VPS13B: variants seen among roughly 807,000 people sequenced by gnomAD.
The protein encoded by VPS13B is intermembrane lipid transfer protein VPS13B.
In VPS13B, 285 loss-of-function variants were observed where a neutral mutation model predicts 426.4. The observed-to-expected ratio is 0.67, with a 90% CI of 0.61 to 0.74. VPS13B has a LOEUF of 0.74. Among genes scored for constraint, VPS13B ranks in the 30% least tolerant of loss-of-function variants. The pLI is 0.00. For synonymous variants in VPS13B, 1,676 were observed against 1,676.4 expected (o/e 1.00, Z 0.01); for missense variants, 4,537 against 4,782.6 (o/e 0.95, Z 1.51).
intron 29 of VPS13B, among the ~76,000 whole-genome samples, chr8:99,513,926 C>A (rs1375677937): frequency 6.6e-6 from 1 of 152,154 alleles, no homozygotes; most frequent in Non-Finnish European, 1.5e-5. Context: ...GGCATTTGAT[C>A]TGTATTCAAA....
intron 12 of VPS13B, 21 bp downstream of exon 12, chr8:99,136,773 T>C: frequency 6.2e-7 from 1 of 1,610,414 alleles, no homozygotes; most frequent in Non-Finnish European, 8.5e-7. Context: ...CTTTCCTTTA[T>C]GTGTGCCATT....
intron 16 of VPS13B, among the ~76,000 whole-genome samples, chr8:99,190,805 T>C (rs1813521514): frequency 6.6e-6 from 1 of 152,164 alleles, no homozygotes. Flanking sequence ...TTCTTAATCT[T>C]ATTAGAAGAT....
chr8:99,635,131 T>C (rs937244114), intron 33 of VPS13B, among the ~76,000 whole-genome samples: 2 of 151,996 alleles, frequency 1.3e-5, no homozygotes, highest in African/African-American at 2.4e-5. Flanking sequence ...CTTTTTCAAG[T>C]TTGTAAAAAT....
At chr8:99,519,714 C>T (rs1214500860) in intron 29 of VPS13B, among the ~76,000 whole-genome samples, 2 of 149,894 alleles carry the variant, frequency 1.3e-5, no homozygotes, top group African/African-American at 2.5e-5. Context: ...AAAAACCAAA[C>T]ACCACATGTT....
intron 16 of VPS13B, among the ~76,000 whole-genome samples, chr8:99,191,376 CTTTTTTTTT>C (rs35215814): frequency 1.1e-4 from 8 of 70,920 alleles, no homozygotes; most frequent in Non-Finnish European, 2.1e-4. Flanking sequence ...CTCTCTCTCT[CTTTTTTTTT>C]TTTTTTTTTT....
In VPS13B at chr8:99,799,573, G is replaced by C. The variant is rs144479740; in HGVS notation, c.7942-9802G>C. Among the ~76,000 whole-genome samples, 68 of 152,212 alleles carry C rather than the reference G, an allele frequency of 4.5e-4. 1 individual carries two copies. The highest frequency in any genetic ancestry group is 1.5e-3 in the African/African-American group (64 of 41,542). Reference sequence around the variant, plus strand: ...TTTAGTTAAATGAAAATAAATAACTGTAAAAATTTTGGATTTCTCTTATAT... The same window carrying C: ...TTTAGTTAAATGAAAATAAATAACTCTAAAAATTTTGGATTTCTCTTATAT... On this transcript the variant is annotated intron_variant, in intron 43 of 61. Coordinates refer to ENST00000357162, the MANE Select transcript of VPS13B (RefSeq NM_152564.5).
At chr8:99,860,395 C>T (rs1816776987) in intron 57 of VPS13B, among the ~76,000 whole-genome samples, 1 of 152,116 alleles carries the variant, frequency 6.6e-6, no homozygotes, top group Non-Finnish European at 1.5e-5. Flanking sequence ...GCTGCAGAAA[C>T]TCACCCCATG....
chr8:99,041,109 A>AT (rs1197969092), intron 3 of VPS13B, among the ~76,000 whole-genome samples: 4 of 152,170 alleles, frequency 2.6e-5, no homozygotes, highest in Non-Finnish European at 4.4e-5. Context: ...ACTTATAGAG[A>AT]TTTTTAGGAT....
chr8:99,274,965 ATAT>A (rs1292162038), intron 18 of VPS13B, 113 bp from the exon 19 acceptor site: 3 of 917,822 alleles, frequency 3.3e-6, no homozygotes, highest in Non-Finnish European at 4.7e-6. Flanking sequence ...TGTATAGCTA[ATAT>A]TATCAAATAA....
intron 34 of VPS13B, among the ~76,000 whole-genome samples, chr8:99,643,268 A>C (rs565591886): frequency 1.3e-5 from 2 of 152,300 alleles, no homozygotes; most frequent in East Asian, 3.9e-4. Flanking sequence ...CCTAAGATTC[A>C]GTATTCAAAG....
chr8:99,812,791 T>C (rs1278627532), intron 44 of VPS13B, among the ~76,000 whole-genome samples: 2 of 152,228 alleles, frequency 1.3e-5, no homozygotes, highest in East Asian at 3.8e-4. Flanking sequence ...GTTTAAGATA[T>C]CGTTTTCCAG....
At position 99,209,674 on chromosome 8, in the gene VPS13B, C is replaced by T. The variant is rs1033286219; in HGVS notation, c.2515+16617C>T. 1.3e-5 allele frequency: 12 copies of T among 910,554 alleles called. No individual in the cohort carries two copies. The Admixed American group carries it at 1.7e-4, about 13-fold the overall frequency. The allele number at this position is 910,554 out of a possible 1,614,324, so 56.4% of individuals were successfully genotyped here. ...CTCCCACCTCAACCTCCTGAAGTGC[C>T]GGGATTGGAGGCCCAAGCCACTGTG... On this transcript the variant is annotated intron_variant, in intron 17 of 61. Coordinates refer to ENST00000357162, the MANE Select transcript of VPS13B (RefSeq NM_152564.5).
chr8:99,083,469 C>T lies in VPS13B; in HGVS notation c.292-12843C>T, dbSNP rs758536310. Among the ~76,000 whole-genome samples the T allele has an allele frequency of 7.4e-3, 1,118 of 151,274 alleles. 8 individuals carry two copies. Among genetic ancestry groups the T allele is most frequent in the Non-Finnish European group, 0.01 (710 of 67,850 alleles). On this transcript the variant is annotated intron_variant, in intron 3 of 61. Transcript: ENST00000357162. ...TTATTTCCTTCTCCTGCCTGATTGC[C>T]CTGGCCAGAACTTCCAACACTATGT...
chr8:99,179,155 T>C (rs1008464450), intron 16 of VPS13B, among the ~76,000 whole-genome samples: 1 of 152,152 alleles, frequency 6.6e-6, no homozygotes, highest in African/African-American at 2.4e-5. Flanking sequence ...TTAAAACTGT[T>C]GTGTTGTAGG....
chr8:99,544,139 AAT>A (rs1267976043), intron 30 of VPS13B, among the ~76,000 whole-genome samples: 1 of 151,978 alleles, frequency 6.6e-6, no homozygotes, highest in African/African-American at 2.4e-5. Flanking sequence ...AGCCATAAAA[AAT>A]GATGAGTTCA....
intron 30 of VPS13B, among the ~76,000 whole-genome samples, chr8:99,554,546 A>G (rs1481620802): frequency 6.7e-6 from 1 of 149,922 alleles, no homozygotes; most frequent in Non-Finnish European, 1.5e-5. Context: ...CTGTTGCTAG[A>G]TAGTATAGAT....
intron 19 of VPS13B, among the ~76,000 whole-genome samples, chr8:99,343,676 G>C (rs1276264739): frequency 1.3e-5 from 2 of 152,106 alleles, no homozygotes; most frequent in Admixed American, 1.3e-4. Flanking sequence ...AATTAAGAAA[G>C]CAATTCAATT....
chr8:99,031,310 T>G (rs1842498448), intron 2 of VPS13B, among the ~76,000 whole-genome samples: 1 of 152,226 alleles, frequency 6.6e-6, no homozygotes, highest in Admixed American at 6.5e-5. Context: ...TTTCTGATTT[T>G]GTTGAATTAA....
Position 99,871,695 on chromosome 8 carries a change from G to A in VPS13B, c.11743G>A (p.Glu3915Lys), listed in dbSNP as rs765850481. 1 of 1,613,538 alleles carries A rather than the reference G, an allele frequency of 6.2e-7. No individual in the cohort carries two copies. The highest frequency in any genetic ancestry group is 2.2e-5 in the East Asian group (1 of 44,872). ...LKQPRVACDV[E>K]VDGVRERLSE... is the part of the protein sequence containing the mutation. ...GCAGCCAAGAGTGGCCTGTGATGTG[G>A]AGGTACGTTTCAGAAAACAGGGCAA... The change falls in exon 61 of 62, where the codon GAG becomes AAG. Residue 3915 changes from glutamate (E) to lysine (K), a missense_variant and splice_region_variant. Transcript: ENST00000357162.
Sources: gnomAD v4.1 joint callset for allele counts (sites outside exome capture counted in the v4.1 genomes callset) on GRCh38, gnomAD v4.1.1 for gene constraint, MANE v1.5 for transcripts, NCBI Gene and HGNC (gene_info 2026-07-23, HGNC 2026-07-21) for gene names.